SNX13: variants seen among roughly 807,000 people sequenced by gnomAD.
SNX13 encodes sorting nexin 13.
In SNX13, 45 loss-of-function variants were observed where a neutral mutation model predicts 133.6. The ratio of observed to expected loss-of-function variants is 0.34; its 90% CI spans 0.27 to 0.43. The LOEUF is 0.43. Ranked by LOEUF, SNX13 falls within the 20% of genes least tolerant of loss-of-function variation. The pLI is 1.00. For missense variants in SNX13, 1,032 were observed against 1,145.1 expected (o/e 0.90, Z 1.43); for synonymous variants, 414 against 373.9 (o/e 1.11, Z -1.24).
At chr7:17,925,763 A>G (rs1047037288) in intron 1 of SNX13, among the ~76,000 whole-genome samples, 3 of 151,738 alleles carry the variant, frequency 2.0e-5, no homozygotes, top group Admixed American at 2.0e-4. Flanking sequence ...TCTCACAACA[A>G]TGAAGAGGAC....
chr7:17,940,359 G>A lies in SNX13; in HGVS notation c.-64C>T, dbSNP rs1296634300. 1.9e-6 allele frequency: 3 copies of A among 1,544,894 alleles called. No homozygotes were observed. The highest frequency in any genetic ancestry group is 2.4e-5 in the South Asian group (2 of 84,010). Reference sequence around the variant, plus strand: ...CCTCATGGCAACAGCCGTAGCAGCAGCGAAAACTGCTCGGGCCGCCGCCAA... The same window carrying A: ...CCTCATGGCAACAGCCGTAGCAGCAACGAAAACTGCTCGGGCCGCCGCCAA... On this transcript the variant is annotated 5_prime_UTR_variant, in exon 1 of 26. Transcript: ENST00000428135.
At chr7:17,853,669 C>T (rs1440333130) in intron 9 of SNX13, among the ~76,000 whole-genome samples, 2 of 152,174 alleles carry the variant, frequency 1.3e-5, no homozygotes, top group African/African-American at 2.4e-5. Flanking sequence ...ATAGGCCAGG[C>T]ACAGTGGCTC....
chr7:17,845,821 A>C (rs921547027), intron 11 of SNX13, 127 bp from the exon 12 acceptor site: 1 of 583,478 alleles, frequency 1.7e-6, no homozygotes, highest in Non-Finnish European at 3.0e-6. Context: ...CTTCTCATGC[A>C]TGTTGTTTCC....
At chr7:17,907,878 T>C (rs1798565649) in intron 1 of SNX13, among the ~76,000 whole-genome samples, 1 of 152,218 alleles carries the variant, frequency 6.6e-6, no homozygotes, top group Non-Finnish European at 1.5e-5. Flanking sequence ...ATAGTCTTAC[T>C]AGATATGCAA....
chr7:17,885,350 C>T (rs369238017), intron 5 of SNX13, among the ~76,000 whole-genome samples: 2 of 146,914 alleles, frequency 1.4e-5, no homozygotes, highest in Non-Finnish European at 3.0e-5. Flanking sequence ...CTTGGGGAAA[C>T]GCAGAAGTGA....
chr7:17,912,681 G>A (rs1163048489), intron 1 of SNX13, among the ~76,000 whole-genome samples: 1 of 152,098 alleles, frequency 6.6e-6, no homozygotes, highest in East Asian at 1.9e-4. Flanking sequence ...CAAAGTGCTG[G>A]GATTACAGGC....
Position 17,875,664 on chromosome 7 carries a change from A to G in SNX13, c.562+5T>C. ...CCTAGTTTTCAAATGGAATAAAGAT[A>G]TTACCTTTCACTTGATCATCTTTCT... is the stretch of plus-strand genomic sequence containing the variant. On this transcript the variant is annotated splice_donor_5th_base_variant and intron_variant, in intron 6 of 25. Transcript: ENST00000428135. The G allele has an allele frequency of 6.2e-7, 1 of 1,608,784 alleles. No homozygotes were observed.
intron 7 of SNX13, among the ~76,000 whole-genome samples, chr7:17,874,025 G>C (rs1015741878): frequency 6.6e-6 from 1 of 152,062 alleles, no homozygotes; most frequent in Admixed American, 6.6e-5. Context: ...CATCTCAGCA[G>C]GCTATAACAA....
chr7:17,901,018 T>C (rs1797774344), intron 1 of SNX13, among the ~76,000 whole-genome samples: 1 of 152,146 alleles, frequency 6.6e-6, no homozygotes, highest in South Asian at 2.1e-4. Flanking sequence ...CCAAGGGCTC[T>C]TTAGTCAGCA....
chr7:17,873,438 A>T, intron 8 of SNX13, 90 bp downstream of exon 8: 2 of 530,780 alleles, frequency 3.8e-6, no homozygotes, highest in Non-Finnish European at 5.9e-6. Flanking sequence ...AATAATTTTT[A>T]AGAGTGTAAC....
At chr7:17,819,463 G>A (rs1787039333) in intron 18 of SNX13, among the ~76,000 whole-genome samples, 1 of 152,124 alleles carries the variant, frequency 6.6e-6, no homozygotes, top group Non-Finnish European at 1.5e-5. Context: ...CTGACCTCAA[G>A]CAATCTGCCC....
At chr7:17,839,176 G>A (rs1056551399) in intron 13 of SNX13, among the ~76,000 whole-genome samples, 21 of 148,452 alleles carry the variant, frequency 1.4e-4, no homozygotes, top group East Asian at 3.9e-4. Flanking sequence ...TTCTATAGAC[G>A]CTATAGATTA....
intron 9 of SNX13, among the ~76,000 whole-genome samples, chr7:17,863,001 A>C (rs1399095938): frequency 6.6e-6 from 1 of 152,164 alleles, no homozygotes; most frequent in Non-Finnish European, 1.5e-5. Flanking sequence ...TGGACAGCAC[A>C]GCACAGAAAG....
chr7:17,841,567 C>CACACAA (rs1297486966), intron 12 of SNX13, among the ~76,000 whole-genome samples: 2 of 151,046 alleles, frequency 1.3e-5, no homozygotes, highest in Non-Finnish European at 3.0e-5. Context: ...CACACACACA[C>CACACAA]ACACACACAC....
chr7:17,837,189 G>A (rs1012644732), intron 13 of SNX13, among the ~76,000 whole-genome samples: 3 of 152,048 alleles, frequency 2.0e-5, no homozygotes, highest in Non-Finnish European at 2.9e-5. Flanking sequence ...AGGCTGGAGC[G>A]CAATCATATG....
At chr7:17,863,045 T>C (rs1271098811) in intron 9 of SNX13, among the ~76,000 whole-genome samples, 1 of 152,036 alleles carries the variant, frequency 6.6e-6, no homozygotes, top group Non-Finnish European at 1.5e-5. Context: ...AAGAGTGAAG[T>C]AAGTATAGAA....
intron 17 of SNX13, among the ~76,000 whole-genome samples, chr7:17,824,290 C>G (rs1241282028): frequency 2.6e-5 from 4 of 152,146 alleles, no homozygotes; most frequent in African/African-American, 9.7e-5. Flanking sequence ...AATACACATA[C>G]TAGACCACCA....
intron 18 of SNX13, among the ~76,000 whole-genome samples, chr7:17,820,501 ATTTAAT>A (rs1479023517): frequency 6.6e-6 from 1 of 152,130 alleles, no homozygotes; most frequent in Non-Finnish European, 1.5e-5. Context: ...AAAGTTATTA[ATTTAAT>A]TTTCTTATTA....
At chr7:17,833,136 G>T (rs1446539580) in intron 15 of SNX13, among the ~76,000 whole-genome samples, 1 of 151,486 alleles carries the variant, frequency 6.6e-6, no homozygotes, top group Admixed American at 6.6e-5. Context: ...ATACCAGAAA[G>T]ATCATCCAAC....
Sources: allele counts gnomAD v4.1 joint callset (sites outside exome capture counted in the v4.1 genomes callset), GRCh38; gene constraint gnomAD v4.1.1; transcripts MANE v1.5; gene names NCBI Gene and HGNC (gene_info 2026-07-23, HGNC 2026-07-21).